The following ATP8A2 variants were observed in gnomAD, a reference collection of about 807,000 sequenced individuals.
The protein encoded by ATP8A2 is ATPase phospholipid transporting 8A2.
In ATP8A2, 100 loss-of-function variants were observed where a neutral mutation model predicts 165.6. The ratio of observed to expected loss-of-function variants is 0.60; its 90% CI spans 0.51 to 0.71. The LOEUF (loss-of-function observed/expected upper bound fraction) is 0.71. ATP8A2 is among the 30% of genes least tolerant of loss of function. The pLI is 0.00. For missense variants in ATP8A2, 1,227 were observed against 1,479.5 expected (o/e 0.83, Z 2.80); for synonymous variants, 543 against 548.8 (o/e 0.99, Z 0.15).
intron 33 of ATP8A2, among the ~76,000 whole-genome samples, chr13:25,898,616 C>T (rs1728509474): frequency 1.3e-5 from 2 of 152,290 alleles, no homozygotes; most frequent in African/African-American, 4.8e-5. Flanking sequence ...TGTGCCCTGC[C>T]CCCAGAGGTG....
intron 2 of ATP8A2, among the ~76,000 whole-genome samples, chr13:25,479,491 T>C (rs1471459307): frequency 6.6e-6 from 1 of 152,088 alleles, no homozygotes; most frequent in East Asian, 1.9e-4. Context: ...ATGATTCTTT[T>C]ATTTTTATTT....
intron 36 of ATP8A2, among the ~76,000 whole-genome samples, chr13:26,017,276 GC>G (rs1419609956): frequency 6.6e-6 from 1 of 152,196 alleles, no homozygotes; most frequent in Non-Finnish European, 1.5e-5. Context: ...GTTCTGCCAG[GC>G]CCCCTCAGGA....
chr13:25,619,264 A>G (rs1445455576), intron 24 of ATP8A2, among the ~76,000 whole-genome samples: 1 of 152,174 alleles, frequency 6.6e-6, no homozygotes, highest in East Asian at 1.9e-4. Flanking sequence ...GAAGACAGCC[A>G]GGTTTCCTGA....
intron 35 of ATP8A2, among the ~76,000 whole-genome samples, chr13:26,006,545 T>C (rs1319784): frequency 0.22 from 33,974 of 151,950 alleles, 4,352 homozygotes; most frequent in Non-Finnish European, 0.3. Flanking sequence ...TCAGTAAGTT[T>C]GTTGAATAGA....
At chr13:25,738,223 A>G (rs1482654189) in intron 25 of ATP8A2, among the ~76,000 whole-genome samples, 1 of 152,170 alleles carries the variant, frequency 6.6e-6, no homozygotes, top group Admixed American at 6.5e-5. Flanking sequence ...GAGGCTTCTC[A>G]CAGGTAGAGT....
At chr13:25,593,049 C>G (rs1203337068) in intron 24 of ATP8A2, among the ~76,000 whole-genome samples, 1 of 152,184 alleles carries the variant, frequency 6.6e-6, no homozygotes, top group Admixed American at 6.5e-5. Flanking sequence ...TCCTTCCTTG[C>G]CTTCTCCTCC....
intron 33 of ATP8A2, among the ~76,000 whole-genome samples, chr13:25,928,711 C>T (rs1008664810): frequency 1.3e-5 from 2 of 152,196 alleles, no homozygotes; most frequent in African/African-American, 2.4e-5. Context: ...CCAGACTCAC[C>T]AGCTCTCTTC....
At chr13:25,542,756 T>C (rs567577450) in intron 9 of ATP8A2, among the ~76,000 whole-genome samples, 1 of 152,280 alleles carries the variant, frequency 6.6e-6, no homozygotes, top group Admixed American at 6.5e-5. Flanking sequence ...TGGTTTCATT[T>C]AGCATACATA....
At chr13:25,454,746 A>T (rs2035319400) in intron 1 of ATP8A2, among the ~76,000 whole-genome samples, 1 of 151,926 alleles carries the variant, frequency 6.6e-6, no homozygotes, top group African/African-American at 2.4e-5. Flanking sequence ...ACGTGGTGAA[A>T]CCCCGTCTCT....
chr13:26,000,922 T>C (rs975658146), intron 35 of ATP8A2, among the ~76,000 whole-genome samples: 9 of 152,214 alleles, frequency 5.9e-5, no homozygotes, highest in Non-Finnish European at 1.0e-4. Context: ...TTGCCATACA[T>C]GGCAGTTGGT....
intron 35 of ATP8A2, among the ~76,000 whole-genome samples, chr13:25,986,385 G>A (rs1174123872): frequency 1.3e-5 from 2 of 152,102 alleles, no homozygotes. Flanking sequence ...CTTGACCCCG[G>A]GTAACCACCC....
chr13:25,815,338 C>T (rs570392524), intron 27 of ATP8A2, among the ~76,000 whole-genome samples: 2 of 152,104 alleles, frequency 1.3e-5, no homozygotes, highest in African/African-American at 4.8e-5. Context: ...CTGAAGAGCT[C>T]CTAAACACAA....
intron 26 of ATP8A2, among the ~76,000 whole-genome samples, chr13:25,772,964 T>C (rs2044658316): frequency 6.6e-6 from 1 of 152,084 alleles, no homozygotes; most frequent in South Asian, 2.1e-4. Context: ...TTCACCACGT[T>C]GGCCAGACTG....
chr13:25,485,285 C>CGT (rs148516633), intron 2 of ATP8A2, among the ~76,000 whole-genome samples: 8 of 151,946 alleles, frequency 5.3e-5, no homozygotes, highest in African/African-American at 1.2e-4. Flanking sequence ...CAGGATAGTG[C>CGT]GTGTGTGTGT....
intron 33 of ATP8A2, among the ~76,000 whole-genome samples, chr13:25,938,607 T>TCTGG (rs1954982443): frequency 6.6e-6 from 1 of 152,110 alleles, no homozygotes; most frequent in Non-Finnish European, 1.5e-5. Flanking sequence ...ACGGAATGGA[T>TCTGG]CGCCAGCTCC....
chr13:25,776,263 A>T (rs2044739811), intron 27 of ATP8A2, among the ~76,000 whole-genome samples: 2 of 152,216 alleles, frequency 1.3e-5, no homozygotes, highest in Non-Finnish European at 2.9e-5. Context: ...AGCAGCCCTG[A>T]TTCTTAAGGA....
intron 1 of ATP8A2, among the ~76,000 whole-genome samples, chr13:25,383,493 G>A (rs1215795544): frequency 6.6e-6 from 1 of 152,142 alleles, no homozygotes; most frequent in Non-Finnish European, 1.5e-5. Flanking sequence ...TCAGAAACAT[G>A]TTTTCCAAAT....
At chr13:25,424,096 G>A (rs1032874003) in intron 1 of ATP8A2, among the ~76,000 whole-genome samples, 2 of 152,198 alleles carry the variant, frequency 1.3e-5, no homozygotes, top group South Asian at 4.1e-4. Context: ...AGGGCTTGGT[G>A]TGGGAAATAG....
intron 25 of ATP8A2, among the ~76,000 whole-genome samples, chr13:25,710,899 ACTACTC>A (rs1215599595): frequency 7.7e-6 from 1 of 130,258 alleles, no homozygotes; most frequent in Non-Finnish European, 1.8e-5. Flanking sequence ...ACTAACATCT[ACTACTC>A]CTGAGAATCC....
Sources: allele counts gnomAD v4.1 joint callset (sites outside exome capture counted in the v4.1 genomes callset), GRCh38; gene constraint gnomAD v4.1.1; transcripts MANE v1.5; gene names NCBI Gene and HGNC (gene_info 2026-07-23, HGNC 2026-07-21).